Variants in UNC13B observed in about 807,000 individuals in gnomAD.
The protein encoded by UNC13B is protein unc-13 homolog B.
UNC13B carries 144 observed loss-of-function variants against 211.0 expected under a neutral mutation model. The observed-to-expected ratio is 0.68, with a 90% confidence interval of 0.60 to 0.78. The LOEUF (loss-of-function observed/expected upper bound fraction) is 0.78, where lower values mean the gene tolerates loss of function less well. UNC13B is among the 30% of genes least tolerant of loss of function. UNC13B has a pLI of 0.00. For missense variants in UNC13B, 1,777 were observed against 2,002.0 expected, an observed-to-expected ratio of 0.89 and a Z score of 2.14; for synonymous variants, 709 against 725.8, an observed-to-expected ratio of 0.98 and a Z score of 0.37.
At position 35,306,732 on chromosome 9, in the gene UNC13B, A is replaced by G. The variant is rs1433189326; in HGVS notation, c.7328A>G (p.Asp2443Gly). Residue 2443 changes from aspartate (D) to glycine (G), a missense_variant, in exon 9 of 40, where the codon GAT becomes GGT. Asp to Gly is a moderately conservative substitution (Grantham distance 94). Coordinates refer to ENST00000635942, the MANE Select transcript of UNC13B (RefSeq NM_001371189.2). Reference protein sequence around the residue: ...CAGNLQNQDADKEEDKFALGS... With the variant: ...CAGNLQNQDAGKEEDKFALGS... ...GGGAACCTTCAGAACCAAGATGCAG[A>G]TAAAGAGGAAGACAAATTTGCATTA... The G allele has an allele frequency of 1.5e-5, 6 of 398,936 alleles. No individual in the cohort carries two copies. The highest frequency in any genetic ancestry group is 2.7e-5 in the Non-Finnish European group (6 of 226,076). The allele number at this position is 398,936 out of a possible 1,614,324, so 24.7% of individuals were successfully genotyped here. A position where few individuals can be genotyped will look rare whatever the true frequency, so the allele number is the denominator to read the frequency against.
chr9:35,302,614 A>G lies in UNC13B; in HGVS notation c.3210A>G (p.Ala1070=), dbSNP rs1437687263. The change falls in exon 9 of 40, where the codon GCA becomes GCG. Residue 1070 remains alanine, a synonymous_variant. Coordinates refer to ENST00000635942, the MANE Select transcript of UNC13B (RefSeq NM_001371189.2). ...AATTAAATCCAAGTGACCACACAGC[A>G]GGACAGAATTTTGAAAGGGATGGCT... ...IEELNPSDHT[A]GQNFERDGLA... The G allele has an allele frequency of 7.5e-6, 3 of 398,704 alleles. No homozygotes were observed. Among genetic ancestry groups the G allele is most frequent in the South Asian group, 1.3e-4 (1 of 7,858 alleles). The allele number at this position is 398,704 out of a possible 1,614,324, so 24.7% of individuals were successfully genotyped here.
Position 35,246,628 on chromosome 9 carries a change from G to T in UNC13B, c.468+3264G>T, listed in dbSNP as rs561495133. Among the ~76,000 whole-genome samples the T allele has an allele frequency of 1.2e-3, 187 of 152,124 alleles. 1 individual carries two copies. The South Asian group carries it at 0.019, about 15-fold the overall frequency. ...AGGGAATCCTTTTCCCATTTCTTGT[G>T]TTTGTCAGGTTTGTCAAAGATCAGA... On this transcript the variant is annotated intron_variant, in intron 6 of 39. Transcript: ENST00000635942.
intron 37 of UNC13B, among the ~76,000 whole-genome samples, chr9:35,402,282 C>CT (rs1168729927): frequency 0.035 from 4,799 of 136,824 alleles, 279 homozygotes; most frequent in African/African-American, 0.11. Context: ...TTCTTTTTTT[C>CT]TTTTTTTTTT....
Position 35,303,933 on chromosome 9 carries a change from A to G in UNC13B, c.4529A>G (p.Gln1510Arg), listed in dbSNP as rs1829804638. Residue 1510 changes from glutamine (Q) to arginine (R), a missense_variant, in exon 9 of 40, where the codon CAG becomes CGG. Coordinates refer to ENST00000635942, the MANE Select transcript of UNC13B (RefSeq NM_001371189.2). ...TTTTCAAGTTTTGGTTATGAGTACC[A>G]GGAATGGTTGTCATGTCTTGAACAT... ...FVFSSFGYEY[Q>R]EWLSCLEHGV... is the part of the protein sequence containing the mutation. 2 of 398,736 alleles carry G rather than the reference A, an allele frequency of 5.0e-6. No individual in the cohort carries two copies. Among genetic ancestry groups the G allele is most frequent in the South Asian group, 2.5e-4 (2 of 7,860 alleles). The allele number at this position is 398,736 out of a possible 1,614,324, so 24.7% of individuals were successfully genotyped here.
Position 35,301,922 on chromosome 9 carries a change from G to T in UNC13B, c.2518G>T (p.Glu840Ter), listed in dbSNP as rs1411503160. ...AGAACCTGTGAAAATTCGCCAGGTG[G>T]AGGAAGATGGTTTAGAAAGGGGCTC... is the stretch of plus-strand genomic sequence containing the variant. ...LSEPVKIRQVEEDGLERGSKK... is the reference protein window; with the variant it reads ...LSEPVKIRQV The change falls in exon 9 of 40, where the codon GAG becomes TAG. Residue 840 changes from glutamate (E) to a stop codon, truncating the protein, a stop_gained. Transcript: ENST00000635942. LOFTEE classifies it high-confidence loss of function. 5.0e-6 allele frequency: 2 copies of T among 398,722 alleles called. No homozygotes were observed. Among genetic ancestry groups the T allele is most frequent in the Admixed American group, 4.4e-5 (1 of 22,704 alleles). The allele number at this position is 398,722 out of a possible 1,614,324, so 24.7% of individuals were successfully genotyped here. A position where few individuals can be genotyped will look rare whatever the true frequency, so the allele number is the denominator to read the frequency against.
chr9:35,226,076 G>C (rs1486726742), intron 1 of UNC13B, among the ~76,000 whole-genome samples: 1 of 152,156 alleles, frequency 6.6e-6, no homozygotes, highest in African/African-American at 2.4e-5. Context: ...CCTGCATACT[G>C]TAGAATGTTT....
chr9:35,384,871 G>C, intron 22 of UNC13B: 2 of 680,350 alleles, frequency 2.9e-6, no homozygotes, highest in Non-Finnish European at 3.6e-6. Context: ...TCCTATGTTA[G>C]ATCTTAGAAA....
chr9:35,309,222 AGT>A (rs5897599), intron 9 of UNC13B, among the ~76,000 whole-genome samples: 12,781 of 145,034 alleles, frequency 0.088, 542 homozygotes, highest in South Asian at 0.1. Flanking sequence ...GGTCAGGGTC[AGT>A]GTGTGTGTGT....
At chr9:35,180,727 G>T (rs1821889756) in intron 1 of UNC13B, among the ~76,000 whole-genome samples, 1 of 152,120 alleles carries the variant, frequency 6.6e-6, no homozygotes, top group African/African-American at 2.4e-5. Flanking sequence ...AATTGTAGCA[G>T]TGTTTGTTTT....
chr9:35,338,473 C>A (rs1285657159), intron 11 of UNC13B, among the ~76,000 whole-genome samples: 2 of 152,136 alleles, frequency 1.3e-5, no homozygotes, highest in African/African-American at 4.8e-5. Flanking sequence ...AGGGAAGGAG[C>A]AGGATTACCT....
chr9:35,183,713 T>C (rs1306043621), intron 1 of UNC13B, among the ~76,000 whole-genome samples: 1 of 117,582 alleles, frequency 8.5e-6, no homozygotes, highest in Non-Finnish European at 1.7e-5. Context: ...GCAGAGGCGC[T>C]CCTCACTTCC....
At chr9:35,345,212 A>G (rs12350669) in intron 11 of UNC13B, among the ~76,000 whole-genome samples, 25,262 of 152,094 alleles carry the variant, frequency 0.17, 3,185 homozygotes, top group African/African-American at 0.34. Context: ...TTATTTTGAC[A>G]CTTGTTAAAG....
chr9:35,242,558 A>T (rs548896363), intron 5 of UNC13B, among the ~76,000 whole-genome samples: 2 of 151,974 alleles, frequency 1.3e-5, no homozygotes, highest in African/African-American at 2.4e-5. Context: ...TTTGTGATGG[A>T]CTCATTTCAT....
chr9:35,345,926 C>A (rs1587666507), intron 11 of UNC13B, among the ~76,000 whole-genome samples: 1 of 152,224 alleles, frequency 6.6e-6, no homozygotes, highest in South Asian at 2.1e-4. Context: ...AGTTTTCTTT[C>A]CCTTGTATAT....
At chr9:35,165,464 C>T (rs1820985736) in intron 1 of UNC13B, among the ~76,000 whole-genome samples, 1 of 147,224 alleles carries the variant, frequency 6.8e-6, no homozygotes, top group African/African-American at 2.5e-5. Context: ...GTTGCCCAGG[C>T]TGGAGTGCAG....
intron 24 of UNC13B, among the ~76,000 whole-genome samples, chr9:35,388,444 A>G (rs1400162558): frequency 6.6e-6 from 1 of 152,188 alleles, no homozygotes; most frequent in Non-Finnish European, 1.5e-5. Context: ...ATAAAGAAGT[A>G]TAGCAATTTA....
At chr9:35,372,509 G>A (rs1834203116) in intron 13 of UNC13B, among the ~76,000 whole-genome samples, 1 of 138,118 alleles carries the variant, frequency 7.2e-6, no homozygotes. Context: ...CTCTGGGCTT[G>A]GCAGATACAT....
At chr9:35,323,026 T>C (rs1830819709) in intron 11 of UNC13B, among the ~76,000 whole-genome samples, 1 of 151,704 alleles carries the variant, frequency 6.6e-6, no homozygotes, top group African/African-American at 2.4e-5. Flanking sequence ...TTTATAAATA[T>C]ATAATGCACA....
intron 7 of UNC13B, among the ~76,000 whole-genome samples, chr9:35,288,023 TC>T (rs1415440907): frequency 6.6e-6 from 1 of 152,192 alleles, no homozygotes; most frequent in Non-Finnish European, 1.5e-5. Context: ...TATTTAATCC[TC>T]CTTTCCACAT....
Sources: gnomAD v4.1 joint callset for allele counts (sites outside exome capture counted in the v4.1 genomes callset) on GRCh38, gnomAD v4.1.1 for gene constraint, MANE v1.5 for transcripts, NCBI Gene and HGNC (gene_info 2026-07-23, HGNC 2026-07-21) for gene names.